Variants in MEAK7 observed in about 807,000 individuals in gnomAD.
MEAK7 encodes the protein MTOR associated protein MEAK7.
In MEAK7, 68 loss-of-function variants were observed where a neutral mutation model predicts 40.5. That is an observed-to-expected ratio of 1.68 (90% CI 1.38 to 2.06). The LOEUF (loss-of-function observed/expected upper bound fraction) is 2.06, where lower values mean the gene tolerates loss of function less well. Ranked by LOEUF, MEAK7 falls within the 30% of genes most tolerant of loss-of-function variation. MEAK7 has a pLI of 0.00. For missense variants in MEAK7, 918 were observed against 580.5 expected, an observed-to-expected ratio of 1.58 and a Z score of -5.98; for synonymous variants, 338 against 231.9, an observed-to-expected ratio of 1.46 and a Z score of -4.16.
chr16:84,502,122 C>T (rs145022190), intron 1 of MEAK7, among the ~76,000 whole-genome samples: 1 of 150,998 alleles, frequency 6.6e-6, no homozygotes, highest in African/African-American at 2.4e-5. Flanking sequence ...CCAGCCTGGG[C>T]AACAAGAGTG....
chr16:84,492,591 T>TTATTTATTTATTTATC (rs1325444207), intron 3 of MEAK7, among the ~76,000 whole-genome samples: 2 of 151,892 alleles, frequency 1.3e-5, no homozygotes, highest in Admixed American at 1.3e-4. Flanking sequence ...ATTTATTTAT[T>TTATTTATTTATTTATC]TATTTTTGGA....
intron 6 of MEAK7, among the ~76,000 whole-genome samples, chr16:84,482,183 C>A (rs986117337): frequency 6.6e-6 from 1 of 152,196 alleles, no homozygotes; most frequent in Non-Finnish European, 1.5e-5. Flanking sequence ...CCAACTGGGG[C>A]CCCACATGCT....
intron 3 of MEAK7, 168 bp downstream of exon 3, chr16:84,495,515 C>G: frequency 1.5e-6 from 1 of 648,684 alleles, no homozygotes; most frequent in Non-Finnish European, 2.6e-6. Context: ...ACAGGCCTCT[C>G]TCCCAGACAT....
At chr16:84,489,176 C>G in intron 4 of MEAK7, 102 bp downstream of exon 4, 1 of 1,402,814 alleles carries the variant, frequency 7.1e-7, no homozygotes, top group Non-Finnish European at 9.4e-7. Flanking sequence ...CGAGGGCTCA[C>G]GCATTCTGGT....
intron 6 of MEAK7, among the ~76,000 whole-genome samples, chr16:84,481,306 G>C (rs1010306542): frequency 2.6e-5 from 4 of 152,326 alleles, no homozygotes; most frequent in African/African-American, 7.2e-5. Context: ...GTCCCTGGTA[G>C]GCCTGTAACA....
chr16:84,489,549 A>T, intron 3 of MEAK7, 127 bp from the exon 4 acceptor site: 1 of 1,080,986 alleles, frequency 9.3e-7, no homozygotes, highest in Non-Finnish European at 1.3e-6. Flanking sequence ...GGGAAAGGTC[A>T]TGCAATGTAT....
chr16:84,494,659 C>T, intron 3 of MEAK7: 2 of 338,618 alleles, frequency 5.9e-6, no homozygotes, highest in South Asian at 2.3e-5. Flanking sequence ...TTGTTTTTCT[C>T]TCTTCCTCCC....
Position 84,476,489 on chromosome 16 carries a change from C to T in MEAK7, c.*3424G>A, listed in dbSNP as rs1019101528. 3 of 152,044 alleles carry T rather than the reference C, an allele frequency of 2.0e-5. No homozygotes were observed. Among genetic ancestry groups the T allele is most frequent in the Admixed American group, 2.0e-4 (3 of 15,260 alleles). 9.4% of individuals were successfully genotyped at this position (152,044 alleles called of 1,614,324 possible). On this transcript the variant is annotated 3_prime_UTR_variant, in exon 8 of 8. Coordinates refer to ENST00000343629, the MANE Select transcript of MEAK7 (RefSeq NM_020947.4). ...ATCTAAATAAAAGGCATATACCTCTCAATCCAACAATTCCAATTCTAAGAG... is the reference window on the plus strand; with the variant it reads ...ATCTAAATAAAAGGCATATACCTCTTAATCCAACAATTCCAATTCTAAGAG...
chr16:84,501,079 A>T (rs1463715953), intron 1 of MEAK7, among the ~76,000 whole-genome samples: 1 of 134,346 alleles, frequency 7.4e-6, no homozygotes, highest in Non-Finnish European at 1.6e-5. Flanking sequence ...TGGGCAACAG[A>T]GTTAGACTCG....
intron 1 of MEAK7, 93 bp downstream of exon 1, chr16:84,504,508 G>C (rs975323107): frequency 2.5e-5 from 21 of 823,578 alleles, no homozygotes; most frequent in Non-Finnish European, 2.9e-5. Context: ...GCAGGGCCCA[G>C]GCCTACTCTG....
chr16:84,484,960 C>A (rs957120817), intron 5 of MEAK7, among the ~76,000 whole-genome samples: 1 of 152,232 alleles, frequency 6.6e-6, no homozygotes, highest in Non-Finnish European at 1.5e-5. Context: ...CAGAGTCCAT[C>A]TGAAATTAAC....
intron 6 of MEAK7, among the ~76,000 whole-genome samples, chr16:84,482,105 CG>C (rs1567487046): frequency 2.0e-5 from 3 of 152,132 alleles, no homozygotes; most frequent in South Asian, 2.1e-4. Flanking sequence ...AGGCCTCCCC[CG>C]CTTCCCCCTG....
chr16:84,497,764 A>T (rs1914173266), intron 2 of MEAK7, 170 bp downstream of exon 2: 3 of 1,303,548 alleles, frequency 2.3e-6, no homozygotes, highest in South Asian at 2.6e-5. Flanking sequence ...CAGAGACCGC[A>T]TAGCTCACAA....
chr16:84,500,730 G>A (rs1914428255), intron 1 of MEAK7, among the ~76,000 whole-genome samples: 1 of 152,098 alleles, frequency 6.6e-6, no homozygotes, highest in African/African-American at 2.4e-5. Context: ...ATGTCCAGCG[G>A]CAGGCGGCTG....
intron 1 of MEAK7, chr16:84,504,122 C>A (rs1191500987): frequency 1.2e-5 from 12 of 985,388 alleles, no homozygotes; most frequent in Non-Finnish European, 1.3e-5. Flanking sequence ...CCTACATGGC[C>A]TGGGAACAGT....
intron 1 of MEAK7, among the ~76,000 whole-genome samples, chr16:84,502,310 T>C (rs1438299244): frequency 6.7e-6 from 1 of 150,334 alleles, no homozygotes; most frequent in African/African-American, 2.4e-5. Context: ...GCCGTTGGCA[T>C]CTAGCAGGCA....
At chr16:84,490,248 C>T (rs1374691767) in intron 3 of MEAK7, among the ~76,000 whole-genome samples, 1 of 150,682 alleles carries the variant, frequency 6.6e-6, no homozygotes, top group African/African-American at 2.4e-5. Context: ...GGAAACAAGG[C>T]CTCTGAATTG....
chr16:84,498,289 G>C (rs555671980), intron 1 of MEAK7, among the ~76,000 whole-genome samples, 178 bp from the exon 2 acceptor site: 21 of 152,232 alleles, frequency 1.4e-4, no homozygotes, highest in African/African-American at 5.1e-4. Flanking sequence ...GTGTTGCTGA[G>C]GTGGGATCTC....
At chr16:84,497,421 A>G in intron 2 of MEAK7, 2 of 1,287,360 alleles carry the variant, frequency 1.6e-6, no homozygotes, top group Non-Finnish European at 2.0e-6. Flanking sequence ...ACACATACAC[A>G]TTCTAGAGGC....
Sources: allele counts gnomAD v4.1 joint callset (sites outside exome capture counted in the v4.1 genomes callset), GRCh38; gene constraint gnomAD v4.1.1; transcripts MANE v1.5; gene names NCBI Gene and HGNC (gene_info 2026-07-23, HGNC 2026-07-21).